Variants in FRMD4A observed in about 807,000 individuals in gnomAD.
FRMD4A encodes FERM domain-containing protein 4A.
A neutral mutation model predicts 129.1 loss-of-function variants in FRMD4A; 29 were observed. The ratio of observed to expected loss-of-function variants is 0.22; its 90% confidence interval spans 0.17 to 0.31. FRMD4A has a LOEUF of 0.31. FRMD4A is among the 10% of genes least tolerant of loss of function. The pLI, the probability that FRMD4A is intolerant of heterozygous loss-of-function variation, is 1.00. For missense variants in FRMD4A, 1,272 were observed against 1,375.8 expected, an observed-to-expected ratio of 0.92 and a Z score of 1.19; for synonymous variants, 634 against 571.6, an observed-to-expected ratio of 1.11 and a Z score of -1.56.
intron 2 of FRMD4A, among the ~76,000 whole-genome samples, chr10:13,961,891 T>A (rs958101642): frequency 6.6e-6 from 1 of 152,166 alleles, no homozygotes; most frequent in African/African-American, 2.4e-5. Flanking sequence ...ACATAGAGGG[T>A]GTTCATTAAT....
At chr10:13,742,933 C>T (rs2091091397) in intron 9 of FRMD4A, among the ~76,000 whole-genome samples, 1 of 152,222 alleles carries the variant, frequency 6.6e-6, no homozygotes, top group Non-Finnish European at 1.5e-5. Context: ...CATTCATCAC[C>T]TAGTCCTTGG....
chr10:14,241,703 A>T (rs1468538534), intron 2 of FRMD4A, among the ~76,000 whole-genome samples: 18 of 146,134 alleles, frequency 1.2e-4, no homozygotes, highest in Non-Finnish European at 9.0e-5. Flanking sequence ...AAAAAAAAAA[A>T]AAAAAAAAAA....
intron 3 of FRMD4A, among the ~76,000 whole-genome samples, chr10:13,832,702 A>T (rs561879332): frequency 1.3e-5 from 2 of 152,290 alleles, no homozygotes; most frequent in East Asian, 1.9e-4. Context: ...CCCCTAGGGG[A>T]CTAGAGGGTG....
chr10:13,681,501 G>T (rs1212845902), intron 15 of FRMD4A, among the ~76,000 whole-genome samples: 2 of 152,142 alleles, frequency 1.3e-5, no homozygotes, highest in Non-Finnish European at 2.9e-5. Context: ...TGGTGTAGGA[G>T]TCAAGGGGAA....
chr10:13,960,702 G>A (rs943506908), intron 2 of FRMD4A, among the ~76,000 whole-genome samples: 4 of 152,138 alleles, frequency 2.6e-5, no homozygotes, highest in Non-Finnish European at 5.9e-5. Flanking sequence ...TGGGTTGACC[G>A]GCAGCCCACC....
chr10:13,926,195 G>T (rs1395551185), intron 2 of FRMD4A, among the ~76,000 whole-genome samples: 1 of 152,160 alleles, frequency 6.6e-6, no homozygotes, highest in Admixed American at 6.5e-5. Context: ...GAGAAAATGA[G>T]GCTGTGTATT....
chr10:14,135,383 C>G (rs1234321918), intron 2 of FRMD4A, among the ~76,000 whole-genome samples: 1 of 152,200 alleles, frequency 6.6e-6, no homozygotes, highest in African/African-American at 2.4e-5. Flanking sequence ...AAGGCAAACA[C>G]CATCCTGTAA....
intron 2 of FRMD4A, among the ~76,000 whole-genome samples, chr10:13,875,260 A>G (rs2094477111): frequency 6.6e-6 from 1 of 152,224 alleles, no homozygotes; most frequent in African/African-American, 2.4e-5. Context: ...GGAAATAGCC[A>G]CTGAGCACTG....
At chr10:13,824,894 CA>C (rs1165591899) in intron 3 of FRMD4A, among the ~76,000 whole-genome samples, 1,305 of 54,818 alleles carry the variant, frequency 0.024, 8 homozygotes, top group African/African-American at 0.057. Context: ...GACTCTGTCT[CA>C]AAAAAAAAAA....
At chr10:14,245,765 T>G (rs1407764175) in intron 2 of FRMD4A, among the ~76,000 whole-genome samples, 1 of 152,178 alleles carries the variant, frequency 6.6e-6, no homozygotes, top group Non-Finnish European at 1.5e-5. Flanking sequence ...TGGACCCTGC[T>G]AACACCTTAA....
intron 2 of FRMD4A, among the ~76,000 whole-genome samples, chr10:13,993,543 G>C (rs12766623): frequency 0.26 from 39,462 of 152,124 alleles, 6,007 homozygotes; most frequent in East Asian, 0.6. Flanking sequence ...TATACCTCTA[G>C]GTGGTAGGGT....
rs549845057 is a variant in FRMD4A at position 14,057,715 on chromosome 10, C to A, written c.46-198803G>T. Among the ~76,000 whole-genome samples, 11 of 152,276 alleles carry A rather than the reference C, an allele frequency of 7.2e-5. No individual in the cohort carries two copies. In the South Asian group the frequency reaches 2.1e-3, roughly 29 times the overall value. On this transcript the variant is annotated intron_variant, in intron 2 of 24. Transcript: ENST00000357447. ...CCTCCCAAGTAGCTGGGATTACAGG[C>A]AGGGGCCACCCTGCCCGGCTAATTT... is the stretch of plus-strand genomic sequence containing the variant.
At chr10:13,892,171 G>C (rs1472513966) in intron 2 of FRMD4A, among the ~76,000 whole-genome samples, 1 of 152,030 alleles carries the variant, frequency 6.6e-6, no homozygotes, top group Non-Finnish European at 1.5e-5. Context: ...GCCCAGCACG[G>C]AGGTCCCCAA....
At chr10:14,189,863 G>T (rs1715143175) in intron 2 of FRMD4A, among the ~76,000 whole-genome samples, 1 of 152,152 alleles carries the variant, frequency 6.6e-6, no homozygotes, top group African/African-American at 2.4e-5. Context: ...TTGGGAATTT[G>T]AGTCGGCCTC....
intron 3 of FRMD4A, among the ~76,000 whole-genome samples, chr10:13,853,110 T>C (rs182386690): frequency 4.9e-4 from 75 of 152,248 alleles, no homozygotes; most frequent in Middle Eastern, 3.4e-3. Context: ...GTGGAAATCC[T>C]AGGGCAGCTT....
intron 2 of FRMD4A, among the ~76,000 whole-genome samples, chr10:14,178,479 C>T (rs922031517): frequency 3.3e-5 from 5 of 152,150 alleles, no homozygotes; most frequent in Admixed American, 6.5e-5. Context: ...CTTATGATTT[C>T]CAAGTCCTTT....
At position 13,808,078 on chromosome 10, in the gene FRMD4A, T is replaced by C. The variant is rs551432823; in HGVS notation, c.206+2736A>G. On this transcript the variant is annotated intron_variant, in intron 4 of 24. Transcript: ENST00000357447. Reference sequence around the variant, plus strand: ...CCTCCCAAAGTGCTGGGATTACAGGTGTGAGCCACCATGCTCAGCCTACTA... The same window carrying C: ...CCTCCCAAAGTGCTGGGATTACAGGCGTGAGCCACCATGCTCAGCCTACTA... Among the ~76,000 whole-genome samples the C allele has an allele frequency of 3.9e-5, 6 of 152,278 alleles. No individual in the cohort carries two copies. The South Asian group carries it at 1.2e-3, about 32-fold the overall frequency.
chr10:14,106,817 TA>T (rs1837610498), intron 2 of FRMD4A, among the ~76,000 whole-genome samples: 1 of 152,110 alleles, frequency 6.6e-6, no homozygotes, highest in Admixed American at 6.5e-5. Context: ...TGAAGGAACT[TA>T]AAATCGAGCT....
At chr10:13,783,670 G>C (rs1321291122) in intron 5 of FRMD4A, among the ~76,000 whole-genome samples, 1 of 152,044 alleles carries the variant, frequency 6.6e-6, no homozygotes, top group African/African-American at 2.4e-5. Flanking sequence ...GCCCAGCCAA[G>C]TTGGATTTTT....
Sources: allele counts gnomAD v4.1 joint callset (sites outside exome capture counted in the v4.1 genomes callset), GRCh38; gene constraint gnomAD v4.1.1; transcripts MANE v1.5; gene names NCBI Gene and HGNC (gene_info 2026-07-23, HGNC 2026-07-21).